NWD1: variants seen among roughly 807,000 people sequenced by gnomAD.
NWD1 encodes the protein NACHT domain- and WD repeat-containing protein 1.
A neutral mutation model predicts 135.1 loss-of-function variants in NWD1; 129 were observed. The observed-to-expected ratio is 0.96, with a 90% CI of 0.83 to 1.11. The LOEUF (loss-of-function observed/expected upper bound fraction) is 1.11, where lower values mean the gene tolerates loss of function less well. Among genes scored for constraint, NWD1 ranks in the 50% least tolerant of loss-of-function variants. NWD1 has a pLI of 0.00. For synonymous variants in NWD1, 773 were observed against 786.0 expected (o/e 0.98, Z 0.28); for missense variants, 1,740 against 1,851.3 (o/e 0.94, Z 1.10).
In NWD1 at chr19:16,750,420, C is replaced by G; in HGVS notation, c.1769+9C>G. 1 of 1,530,010 alleles carries G rather than the reference C, an allele frequency of 6.5e-7. No homozygotes were observed. The highest frequency in any genetic ancestry group is 8.8e-7 in the Non-Finnish European group (1 of 1,142,388). 94.8% of individuals were successfully genotyped at this position (1,530,010 alleles called of 1,614,324 possible). A position where few individuals can be genotyped will look rare whatever the true frequency, so the allele number is the denominator to read the frequency against. ...TACATTGTGTCTTCCCGGTAAGTCT[C>G]TGTGTTTTGAAACTCTTATTTATTT... On this transcript the variant is annotated intron_variant, in intron 6 of 18. Transcript: ENST00000524140.
At chr19:16,799,677 T>G (rs1291549401) in intron 16 of NWD1, among the ~76,000 whole-genome samples, 1 of 151,984 alleles carries the variant, frequency 6.6e-6, no homozygotes, top group Non-Finnish European at 1.5e-5. Context: ...TGGCTAATTT[T>G]TTGTATTTTT....
At chr19:16,797,498 T>C (rs1391018679) in intron 15 of NWD1, among the ~76,000 whole-genome samples, 2 of 151,974 alleles carry the variant, frequency 1.3e-5, no homozygotes, top group African/African-American at 4.8e-5. Context: ...ACCTGGCTAA[T>C]TTTTGTATTT....
intron 6 of NWD1, among the ~76,000 whole-genome samples, chr19:16,752,506 T>A (rs1199425019): frequency 6.6e-6 from 1 of 151,952 alleles, no homozygotes; most frequent in East Asian, 1.9e-4. Context: ...CAATTTTTTT[T>A]AATTAGCTGA....
At chr19:16,778,042 G>A (rs1426788851) in intron 11 of NWD1, among the ~76,000 whole-genome samples, 2 of 151,456 alleles carry the variant, frequency 1.3e-5, no homozygotes, top group African/African-American at 4.9e-5. Context: ...GGAGGGAAGG[G>A]GAGGAGAAGA....
intron 5 of NWD1, among the ~76,000 whole-genome samples, chr19:16,746,814 T>C (rs750086770): frequency 1.1e-4 from 16 of 151,540 alleles, no homozygotes; most frequent in Non-Finnish European, 1.9e-4. Flanking sequence ...GAAGAGAAAA[T>C]ATGTTTGCTG....
At chr19:16,756,085 A>C (rs939475044) in intron 6 of NWD1, among the ~76,000 whole-genome samples, 16 of 152,242 alleles carry the variant, frequency 1.1e-4, no homozygotes, top group Middle Eastern at 3.4e-3. Context: ...AGAAAATGAT[A>C]GTAAGAAAAT....
chr19:16,816,153 CAG>C lies in NWD1; in HGVS notation c.*1118_*1119del, dbSNP rs1971063534. 6.6e-6 allele frequency: 1 copy of C among 152,180 alleles called. No individual in the cohort carries two copies. Among genetic ancestry groups the C allele is most frequent in the Non-Finnish European group, 1.5e-5 (1 of 68,084 alleles). The allele number at this position is 152,180 out of a possible 1,614,324, so 9.4% of individuals were successfully genotyped here. On this transcript the variant is annotated 3_prime_UTR_variant, in exon 19 of 19. Coordinates refer to ENST00000524140, the MANE Select transcript of NWD1 (RefSeq NM_001007525.5). Reference sequence around the variant, plus strand: ...CACCTGGGTGAGCAGCAGGGAGAGACAGAGACTGGACATGTGGAAGGCAGAGA... The same window carrying C: ...CACCTGGGTGAGCAGCAGGGAGAGACAGACTGGACATGTGGAAGGCAGAGA...
At chr19:16,800,471 C>T (rs1376028921) in intron 17 of NWD1, among the ~76,000 whole-genome samples, 3 of 152,184 alleles carry the variant, frequency 2.0e-5, no homozygotes, top group Non-Finnish European at 4.4e-5. Context: ...GCGAAGACTG[C>T]AGTGAGCCGG....
intron 12 of NWD1, among the ~76,000 whole-genome samples, chr19:16,785,165 G>T (rs1969996532): frequency 6.6e-6 from 1 of 152,022 alleles, no homozygotes; most frequent in South Asian, 2.1e-4. Flanking sequence ...TAGAGTGATG[G>T]TTGCACAACA....
chr19:16,810,207 G>A (rs1970881099), intron 18 of NWD1, among the ~76,000 whole-genome samples: 1 of 152,054 alleles, frequency 6.6e-6, no homozygotes, highest in African/African-American at 2.4e-5. Context: ...GGAGGCTGAG[G>A]CGGGTGGATC....
intron 4 of NWD1, among the ~76,000 whole-genome samples, chr19:16,743,925 C>T (rs1166360868): frequency 6.6e-6 from 1 of 151,988 alleles, no homozygotes; most frequent in Non-Finnish European, 1.5e-5. Flanking sequence ...TCAGGTAATC[C>T]ACCCGCCTTG....
intron 18 of NWD1, among the ~76,000 whole-genome samples, chr19:16,813,917 C>T (rs561452049): frequency 2.0e-5 from 3 of 151,302 alleles, no homozygotes; most frequent in African/African-American, 4.8e-5. Flanking sequence ...TTTGGGAGGC[C>T]GATGTAGGAG....
At chr19:16,775,816 T>TGA in intron 11 of NWD1, among the ~76,000 whole-genome samples, 2 of 152,072 alleles carry the variant, frequency 1.3e-5, no homozygotes, top group East Asian at 3.9e-4. Flanking sequence ...TACAGGCACA[T>TGA]GCCACCATGC....
At chr19:16,777,903 AAG>A (rs146642041) in intron 11 of NWD1, among the ~76,000 whole-genome samples, 1,332 of 102,188 alleles carry the variant, frequency 0.013, 57 homozygotes, top group African/African-American at 0.05. Flanking sequence ...AGGAAAGAGA[AAG>A]GGGAGGGGAA....
chr19:16,776,330 G>A (rs145633327), intron 11 of NWD1, among the ~76,000 whole-genome samples: 6,848 of 152,142 alleles, frequency 0.045, 192 homozygotes, highest in African/African-American at 0.084. Flanking sequence ...AGCGCTTTGG[G>A]AGGTTGAGGC....
At chr19:16,720,890 G>A (rs1025972796) in intron 1 of NWD1, among the ~76,000 whole-genome samples, 48 of 151,564 alleles carry the variant, frequency 3.2e-4, no homozygotes, top group African/African-American at 1.1e-3. Context: ...TTGCTCTGTT[G>A]CCCAGGCTGG....
At chr19:16,782,608 T>C (rs1449677112) in intron 12 of NWD1, among the ~76,000 whole-genome samples, 1 of 152,154 alleles carries the variant, frequency 6.6e-6, no homozygotes, top group African/African-American at 2.4e-5. Context: ...AGATACATAA[T>C]ATTATGACAC....
In NWD1 at chr19:16,750,243, G is replaced by A; in HGVS notation, c.1601G>A (p.Gly534Glu). ...AGCCTCCCAGAGTGTGGGAACCCAG[G>A]GCGGCTGAGGCTGGCGTTTGAGGAA... ...WASLPECGNPGRLRLAFEEAR... is the reference protein window; with the variant it reads ...WASLPECGNPERLRLAFEEAR... Residue 534 changes from glycine (G) to glutamate (E), a missense_variant, in exon 6 of 19, where the codon GGG becomes GAG. By Grantham distance (98) the Gly-to-Glu change is moderately conservative. Coordinates refer to ENST00000524140, the MANE Select transcript of NWD1 (RefSeq NM_001007525.5). The A allele has an allele frequency of 3.1e-6, 5 of 1,613,618 alleles. No individual in the cohort carries two copies. The South Asian group carries it at 4.4e-5, about 14-fold the overall frequency.
intron 10 of NWD1, among the ~76,000 whole-genome samples, chr19:16,772,554 G>A (rs1353585255): frequency 2.0e-5 from 3 of 152,158 alleles, no homozygotes; most frequent in Non-Finnish European, 4.4e-5. Flanking sequence ...GCTGAGGCAG[G>A]AGAATCGCTT....
Sources: gnomAD v4.1 joint callset for allele counts (sites outside exome capture counted in the v4.1 genomes callset) on GRCh38, gnomAD v4.1.1 for gene constraint, MANE v1.5 for transcripts, NCBI Gene and HGNC (gene_info 2026-07-23, HGNC 2026-07-21) for gene names.